The following NFIA variants were observed in gnomAD, a reference collection of about 807,000 sequenced individuals.
NFIA encodes nuclear factor 1 A-type.
NFIA carries 8 observed loss-of-function variants against 62.8 expected under a neutral mutation model. That is an observed-to-expected ratio of 0.13 (90% CI 0.07 to 0.23). The LOEUF is 0.23. Ranked by LOEUF, NFIA falls within the 10% of genes least tolerant of loss-of-function variation. The probability of loss-of-function intolerance (pLI) is 1.00; values close to 1 mark genes in which losing one functional copy is unlikely to be tolerated. For synonymous variants in NFIA, 235 were observed against 238.1 expected (o/e 0.99, Z 0.12); for missense variants, 410 against 642.1 (o/e 0.64, Z 3.91).
At chr1:61,082,511 A>G, upstream of NFIA, 1 of 1,253,696 alleles carries the variant, frequency 8.0e-7, no homozygotes, top group Non-Finnish European at 1.0e-6. Flanking sequence ...TATGCCTTTA[A>G]CACCCGCGTA....
intron 3 of NFIA, among the ~76,000 whole-genome samples, chr1:61,300,003 G>T (rs529231953): frequency 2.0e-5 from 3 of 152,140 alleles, no homozygotes; most frequent in Non-Finnish European, 2.9e-5. Context: ...ATTTTTGAGA[G>T]TCCCAGTAAA....
Position 61,202,575 on chromosome 1 carries a change from A to G in NFIA, c.560-74945A>G, listed in dbSNP as rs542552757. Among the ~76,000 whole-genome samples, 41 of 152,356 alleles carry G rather than the reference A, an allele frequency of 2.7e-4. No individual in the cohort carries two copies. The South Asian group carries it at 7.5e-3, about 28-fold the overall frequency. ...ATATCATAAATTATTACACAGTAAT[A>G]TAAGTATTTTTGTCATCCATGACTA... On this transcript the variant is annotated intron_variant, in intron 2 of 10. Transcript: ENST00000403491.
intron 3 of NFIA, among the ~76,000 whole-genome samples, chr1:61,279,085 C>A (rs2100280188): frequency 6.6e-6 from 1 of 152,112 alleles, no homozygotes; most frequent in South Asian, 2.1e-4. Flanking sequence ...GTTTTTCACC[C>A]ACTTTGAATG....
At chr1:61,083,257 GGCC>G (rs1176298449) in intron 1 of NFIA, among the ~76,000 whole-genome samples, 1 of 152,060 alleles carries the variant, frequency 6.6e-6, no homozygotes, top group Non-Finnish European at 1.5e-5. Context: ...CCGGGGAGGG[GGCC>G]GCCGACGGAG....
At chr1:61,425,835 G>T (rs1189599267) in intron 9 of NFIA, among the ~76,000 whole-genome samples, 3 of 152,206 alleles carry the variant, frequency 2.0e-5, no homozygotes, top group Non-Finnish European at 4.4e-5. Context: ...GAACAGAAAG[G>T]TTCTAGGATG....
At chr1:61,316,573 T>C (rs77344867) in intron 3 of NFIA, among the ~76,000 whole-genome samples, 6,226 of 152,198 alleles carry the variant, frequency 0.041, 424 homozygotes, top group African/African-American at 0.14. Context: ...TTCTAAACAC[T>C]GGAACTGATT....
intron 3 of NFIA, among the ~76,000 whole-genome samples, chr1:61,305,592 T>C (rs1430994223): frequency 6.6e-6 from 1 of 152,228 alleles, no homozygotes; most frequent in Admixed American, 6.5e-5. Flanking sequence ...CTAGACATTT[T>C]ATAAGCCCCC....
chr1:61,089,072 C>T (rs982892227), intron 2 of NFIA, among the ~76,000 whole-genome samples: 3 of 152,164 alleles, frequency 2.0e-5, no homozygotes, highest in Non-Finnish European at 2.9e-5. Flanking sequence ...AGTTGGTTTT[C>T]TGCTGGGAGT....
intron 3 of NFIA, among the ~76,000 whole-genome samples, chr1:61,312,886 A>G (rs1414879406): frequency 1.3e-5 from 2 of 152,226 alleles, no homozygotes; most frequent in African/African-American, 2.4e-5. Flanking sequence ...AAATCAAACC[A>G]AAACAAAAAA....
chr1:61,349,751 TAAAAAAAA>T (rs1662446961), intron 4 of NFIA, among the ~76,000 whole-genome samples: 1 of 151,948 alleles, frequency 6.6e-6, no homozygotes, highest in African/African-American at 2.4e-5. Context: ...ATTTAATTTT[TAAAAAAAA>T]TATTTTTTTT....
chr1:61,244,111 T>C (rs1318775216), intron 2 of NFIA, among the ~76,000 whole-genome samples: 2 of 152,348 alleles, frequency 1.3e-5, no homozygotes, highest in East Asian at 1.9e-4. Flanking sequence ...TAAAATTTAC[T>C]TTCTATATAG....
chr1:61,323,806 C>A lies in NFIA; in HGVS notation c.626-8706C>A, dbSNP rs532576443. On this transcript the variant is annotated intron_variant, in intron 3 of 10. Transcript: ENST00000403491. Reference sequence around the variant, plus strand: ...CCAAATAACAGTATCATAAGTCACTCATCTGAATCACTAAATAAATATTTA... The same window carrying A: ...CCAAATAACAGTATCATAAGTCACTAATCTGAATCACTAAATAAATATTTA... 1.2e-4 allele frequency among the ~76,000 whole-genome samples: 18 copies of A among 152,278 alleles called. No homozygotes were observed. In the East Asian group the frequency reaches 3.5e-3, roughly 29 times the overall value.
intron 4 of NFIA, among the ~76,000 whole-genome samples, chr1:61,346,892 G>A (rs1662256587): frequency 6.6e-6 from 1 of 152,186 alleles, no homozygotes; most frequent in Non-Finnish European, 1.5e-5. Flanking sequence ...CAGGGCAGCA[G>A]GAGAGAGAAT....
intron 6 of NFIA, among the ~76,000 whole-genome samples, chr1:61,361,150 A>C (rs1191027197): frequency 6.6e-6 from 1 of 152,140 alleles, no homozygotes; most frequent in Non-Finnish European, 1.5e-5. Context: ...ATTAGTACCA[A>C]CCACAGCACT....
intron 3 of NFIA, among the ~76,000 whole-genome samples, chr1:61,293,630 C>T (rs181433637): frequency 1.3e-5 from 2 of 152,148 alleles, no homozygotes; most frequent in African/African-American, 4.8e-5. Context: ...ATCCACCTTT[C>T]GAACCTAGGC....
At chr1:61,340,143 T>G (rs1455482785) in intron 4 of NFIA, among the ~76,000 whole-genome samples, 1 of 152,204 alleles carries the variant, frequency 6.6e-6, no homozygotes, top group African/African-American at 2.4e-5. Context: ...CTGAAGCTTC[T>G]GATAAATTTA....
intron 2 of NFIA, among the ~76,000 whole-genome samples, chr1:61,207,832 TTCCATA>T: frequency 6.6e-6 from 1 of 152,180 alleles, no homozygotes. Flanking sequence ...TAGAGCATAC[TTCCATA>T]TTAATAACAT....
chr1:61,107,642 T>C (rs1646627234), intron 2 of NFIA, among the ~76,000 whole-genome samples: 1 of 151,760 alleles, frequency 6.6e-6, no homozygotes, highest in South Asian at 2.1e-4. Flanking sequence ...TTTCTTCATG[T>C]TATCTTTGAT....
intron 2 of NFIA, among the ~76,000 whole-genome samples, chr1:61,143,803 A>G (rs1157251018): frequency 6.6e-6 from 1 of 152,174 alleles, no homozygotes; most frequent in Non-Finnish European, 1.5e-5. Context: ...CTCTGATTCC[A>G]TGGTCCTTCC....
Sources: allele counts gnomAD v4.1 joint callset (sites outside exome capture counted in the v4.1 genomes callset), GRCh38; gene constraint gnomAD v4.1.1; transcripts MANE v1.5; gene names NCBI Gene and HGNC (gene_info 2026-07-23, HGNC 2026-07-21).